Variants in HS3ST5 observed in about 807,000 individuals in gnomAD.
HS3ST5 encodes heparan sulfate glucosamine 3-O-sulfotransferase 5.
In HS3ST5, 10 loss-of-function variants were observed where a neutral mutation model predicts 25.4. The observed-to-expected ratio is 0.39, with a 90% CI of 0.24 to 0.67. The LOEUF is 0.67. Among genes scored for constraint, HS3ST5 ranks in the 30% least tolerant of loss-of-function variants. The pLI is 0.44. For synonymous variants in HS3ST5, 170 were observed against 162.4 expected (o/e 1.05, Z -0.36); for missense variants, 324 against 420.7 (o/e 0.77, Z 2.01).
intron 3 of HS3ST5, among the ~76,000 whole-genome samples, chr6:114,087,934 AT>A (rs1774922735): frequency 6.6e-6 from 1 of 152,224 alleles, no homozygotes; most frequent in Non-Finnish European, 1.5e-5. Flanking sequence ...CTAGAACTGC[AT>A]GGTCTAATAT....
chr6:114,286,548 C>A (rs1774347642), intron 1 of HS3ST5, among the ~76,000 whole-genome samples: 1 of 151,876 alleles, frequency 6.6e-6, no homozygotes, highest in South Asian at 2.1e-4. Context: ...ATTTGCTTAA[C>A]AAATTAAAAA....
At chr6:114,097,773 G>A (rs1395107299) in intron 3 of HS3ST5, among the ~76,000 whole-genome samples, 1 of 151,704 alleles carries the variant, frequency 6.6e-6, no homozygotes, top group Non-Finnish European at 1.5e-5. Context: ...TCAAAGTATA[G>A]TATATATTCT....
At chr6:114,324,943 G>A (rs1197006572) in intron 1 of HS3ST5, among the ~76,000 whole-genome samples, 1 of 152,188 alleles carries the variant, frequency 6.6e-6, no homozygotes, top group African/African-American at 2.4e-5. Flanking sequence ...ATAAAGTACT[G>A]TCAAACTAGG....
chr6:114,288,736 C>T (rs1774446221), intron 1 of HS3ST5, among the ~76,000 whole-genome samples: 1 of 152,042 alleles, frequency 6.6e-6, no homozygotes, highest in Non-Finnish European at 1.5e-5. Context: ...AAATTTCTCA[C>T]CTGCTTGCCT....
intron 1 of HS3ST5, among the ~76,000 whole-genome samples, chr6:114,254,357 C>T (rs977784550): frequency 1.3e-5 from 2 of 152,214 alleles, no homozygotes; most frequent in African/African-American, 2.4e-5. Context: ...TTAATATAAT[C>T]TGTTCTGGAC....
chr6:114,124,645 T>TA (rs56938482), intron 3 of HS3ST5, among the ~76,000 whole-genome samples: 2 of 151,612 alleles, frequency 1.3e-5, no homozygotes, highest in Non-Finnish European at 2.9e-5. Flanking sequence ...TTTTTTTTTT[T>TA]AATCAAATGG....
At chr6:114,203,472 G>A (rs1433359178) in intron 2 of HS3ST5, among the ~76,000 whole-genome samples, 1 of 152,008 alleles carries the variant, frequency 6.6e-6, no homozygotes, top group Non-Finnish European at 1.5e-5. Flanking sequence ...GGCCATCTTC[G>A]GGAGGTCACA....
intron 2 of HS3ST5, among the ~76,000 whole-genome samples, chr6:114,212,866 G>A (rs1021343313): frequency 6.6e-6 from 1 of 152,144 alleles, no homozygotes; most frequent in African/African-American, 2.4e-5. Context: ...CTCATGGGAG[G>A]GGGAGAATGC....
At chr6:114,212,306 C>T (rs1342652653) in intron 2 of HS3ST5, among the ~76,000 whole-genome samples, 1 of 152,208 alleles carries the variant, frequency 6.6e-6, no homozygotes, top group Non-Finnish European at 1.5e-5. Context: ...ATTTTCTCTA[C>T]AGAGAGCTTC....
At chr6:114,213,892 G>A (rs1358468297) in intron 2 of HS3ST5, among the ~76,000 whole-genome samples, 3 of 151,988 alleles carry the variant, frequency 2.0e-5, no homozygotes, top group South Asian at 2.1e-4. Context: ...ACATGTTCTC[G>A]CCTCTCTCTA....
rs143259862 is a variant in HS3ST5 at position 114,144,266 on chromosome 6, A to G, written c.-33+24085T>C. ...CAGAGACAAGCATGCAGCATTCCCA[A>G]ACATTGGCAGACTTCTCATCACCTT... On this transcript the variant is annotated intron_variant, in intron 3 of 4. Transcript: ENST00000312719. Among the ~76,000 whole-genome samples, 4 of 152,296 alleles carry G rather than the reference A, an allele frequency of 2.6e-5. No individual in the cohort carries two copies. The East Asian group carries it at 7.7e-4, about 29-fold the overall frequency.
chr6:114,117,549 G>A (rs1776590539), intron 3 of HS3ST5, among the ~76,000 whole-genome samples: 1 of 152,114 alleles, frequency 6.6e-6, no homozygotes, highest in African/African-American at 2.4e-5. Flanking sequence ...AGAGTTAAAT[G>A]CTAAACAAGT....
intron 3 of HS3ST5, among the ~76,000 whole-genome samples, chr6:114,149,036 A>T (rs914096812): frequency 1.3e-5 from 2 of 152,236 alleles, no homozygotes; most frequent in African/African-American, 4.8e-5. Flanking sequence ...GTGAGATACC[A>T]TCTCACACCA....
rs9387198 is a variant in HS3ST5 at position 114,246,782 on chromosome 6, A to G, written c.-338-18004T>C. Among the ~76,000 whole-genome samples the G allele has an allele frequency of 4.6e-5, 7 of 152,332 alleles. No individual in the cohort carries two copies. The East Asian group carries it at 1.4e-3, about 29-fold the overall frequency. On this transcript the variant is annotated intron_variant, in intron 1 of 4. Coordinates refer to ENST00000312719, the MANE Select transcript of HS3ST5 (RefSeq NM_153612.4). ...CTGTTTACCAACTTGTAGTCACCGA[A>G]AAGAATATGGGTTTCGTTCTGCTTT... is the stretch of plus-strand genomic sequence containing the variant.
intron 3 of HS3ST5, among the ~76,000 whole-genome samples, chr6:114,097,368 G>A (rs1775487648): frequency 2.0e-5 from 3 of 151,870 alleles, no homozygotes; most frequent in African/African-American, 7.2e-5. Flanking sequence ...TCTAAGATAT[G>A]CAAAATGCAA....
chr6:114,317,028 A>G (rs1250809192), intron 1 of HS3ST5, among the ~76,000 whole-genome samples: 1 of 152,176 alleles, frequency 6.6e-6, no homozygotes, highest in African/African-American at 2.4e-5. Flanking sequence ...TTATTCTTCT[A>G]TGTTTTAATG....
intron 1 of HS3ST5, among the ~76,000 whole-genome samples, chr6:114,238,228 A>G (rs989188328): frequency 6.6e-6 from 1 of 152,186 alleles, no homozygotes; most frequent in Non-Finnish European, 1.5e-5. Context: ...TTATTGGAAA[A>G]GAGCTTTCCT....
chr6:114,144,451 G>A (rs922989684), intron 3 of HS3ST5, among the ~76,000 whole-genome samples: 3 of 152,176 alleles, frequency 2.0e-5, no homozygotes, highest in Non-Finnish European at 4.4e-5. Flanking sequence ...TCAGCTTTGG[G>A]ACGGTCTTTG....
chr6:114,332,526 AC>A (rs1554228884), intron 1 of HS3ST5, among the ~76,000 whole-genome samples: 1 of 152,206 alleles, frequency 6.6e-6, no homozygotes, highest in Non-Finnish European at 1.5e-5. Context: ...AAAGTCAGAC[AC>A]AGGGAGAGTT....
Sources: gnomAD v4.1 joint callset for allele counts (sites outside exome capture counted in the v4.1 genomes callset) on GRCh38, gnomAD v4.1.1 for gene constraint, MANE v1.5 for transcripts, NCBI Gene and HGNC (gene_info 2026-07-23, HGNC 2026-07-21) for gene names.